Variants in ATAD2B observed in about 807,000 individuals in gnomAD.
The protein encoded by ATAD2B is ATPase family AAA domain containing 2B, also known as ATPase family AAA domain-containing protein 2B.
A neutral mutation model predicts 167.6 loss-of-function variants in ATAD2B; 40 were observed. That is an observed-to-expected ratio of 0.24 (90% CI 0.19 to 0.31). The LOEUF (loss-of-function observed/expected upper bound fraction) is 0.31. Among genes scored for constraint, ATAD2B ranks in the 10% least tolerant of loss-of-function variants. The pLI is 1.00. For missense variants in ATAD2B, 1,242 were observed against 1,757.2 expected (o/e 0.71, Z 5.24); for synonymous variants, 579 against 596.5 (o/e 0.97, Z 0.43).
chr2:23,824,649 A>G (rs1687968680), intron 15 of ATAD2B, among the ~76,000 whole-genome samples: 1 of 152,204 alleles, frequency 6.6e-6, no homozygotes, highest in South Asian at 2.1e-4. Context: ...TTATACCAAC[A>G]TAAGGTATTA....
intron 20 of ATAD2B, among the ~76,000 whole-genome samples, chr2:23,787,640 C>G (rs956691286): frequency 6.6e-6 from 1 of 151,468 alleles, no homozygotes; most frequent in Non-Finnish European, 1.5e-5. Context: ...GAAAAACAAA[C>G]AAAGTAAAAA....
intron 8 of ATAD2B, among the ~76,000 whole-genome samples, chr2:23,871,614 AAC>A (rs1327588523): frequency 6.6e-6 from 1 of 152,210 alleles, no homozygotes; most frequent in Non-Finnish European, 1.5e-5. Flanking sequence ...TAGAACACTG[AAC>A]ACACTAATGA....
intron 12 of ATAD2B, among the ~76,000 whole-genome samples, chr2:23,860,787 A>C (rs1553430687): frequency 2.0e-5 from 3 of 152,162 alleles, no homozygotes; most frequent in Non-Finnish European, 4.4e-5. Flanking sequence ...CCTGGCCAAC[A>C]TGGTGAAACC....
chr2:23,688,286 C>T, the ATAD2B span, among the ~76,000 whole-genome samples: 198 of 152,312 alleles, frequency 1.3e-3, no homozygotes, highest in African/African-American at 4.3e-3. Flanking sequence ...CATTCATGGG[C>T]GGAGTCCTCT....
intron 7 of ATAD2B, among the ~76,000 whole-genome samples, chr2:23,879,413 G>T (rs1558717450): frequency 6.6e-6 from 1 of 152,040 alleles, no homozygotes; most frequent in Non-Finnish European, 1.5e-5. Context: ...TTCAAGACCA[G>T]CCTCGGCAAC....
At chr2:23,703,915 G>A in the ATAD2B span, 14 of 1,499,486 alleles carry the variant, frequency 9.3e-6, no homozygotes, top group South Asian at 1.7e-4. Flanking sequence ...GTGGGAGGAG[G>A]AGGGGTGTGA....
In ATAD2B at chr2:23,926,601, T is replaced by C. The variant is rs1014338616; in HGVS notation, c.170A>G (p.Lys57Arg). 1.9e-6 allele frequency: 3 copies of C among 1,564,202 alleles called. No individual in the cohort carries two copies. Among genetic ancestry groups the C allele is most frequent in the Non-Finnish European group, 2.6e-6 (3 of 1,155,860 alleles). ...KTRAASCPAA[K>R]AGGSGGAGVT... The stretch of plus-strand genomic sequence containing the variant: ...GCCGGCGCCACCGCTTCCCCCGGCT[T>C]TGGCGGCGGGGCAGCTGGCGGCGCG... The change falls in exon 1 of 28, where the codon AAA (lysine) becomes AGA (arginine). Residue 57 changes from lysine to arginine, a missense_variant. Transcript: ENST00000238789.
chr2:23,810,643 AT>A (rs986813300), intron 17 of ATAD2B, 141 bp from the exon 18 acceptor site: 2 of 638,122 alleles, frequency 3.1e-6, no homozygotes, highest in Non-Finnish European at 5.3e-6. Context: ...ATAGTGACTT[AT>A]TTTTTTATTA....
rs78587418 is a variant in ATAD2B, at chr2:23,843,814, G to A, written c.1569-9736C>T. Among the ~76,000 whole-genome samples the A allele has an allele frequency of 1.3e-3, 198 of 152,236 alleles. 4 individuals carry two copies. The East Asian group carries it at 0.033, about 25-fold the overall frequency. On this transcript the variant is annotated intron_variant, in intron 13 of 27. Transcript: ENST00000238789. ...GGAATAGTGCCAGTTCCCACCCACC[G>A]AACTGGTAAACCTCATGATTCAAAG...
chr2:23,892,153 A>G (rs924596454), intron 2 of ATAD2B, among the ~76,000 whole-genome samples: 1 of 152,062 alleles, frequency 6.6e-6, no homozygotes, highest in Non-Finnish European at 1.5e-5. Flanking sequence ...ACATTTCAGT[A>G]CACAATAAAT....
chr2:23,761,693 CA>C (rs1226072743), intron 24 of ATAD2B, among the ~76,000 whole-genome samples: 2 of 152,082 alleles, frequency 1.3e-5, no homozygotes, highest in Non-Finnish European at 2.9e-5. Context: ...TGAATGAGTA[CA>C]AAAAAACTCC....
Position 23,751,799 on chromosome 2 carries a change from C to T in ATAD2B, c.*247G>A. On this transcript the variant is annotated 3_prime_UTR_variant, in exon 28 of 28. Coordinates refer to ENST00000238789, the MANE Select transcript of ATAD2B (RefSeq NM_017552.4). The stretch of plus-strand genomic sequence containing the variant: ...TTTCTGTAGCACCAAAATCTCCAAG[C>T]TGTGGGGTTGTATTTTTTATTTGTG... 1 of 497,534 alleles carries T rather than the reference C, an allele frequency of 2.0e-6. No homozygotes were observed. The highest frequency in any genetic ancestry group is 2.7e-5 in the South Asian group (1 of 37,600). 30.8% of individuals were successfully genotyped at this position (497,534 alleles called of 1,614,324 possible).
chr2:23,836,563 A>G (rs193151351), intron 13 of ATAD2B, among the ~76,000 whole-genome samples: 7 of 152,332 alleles, frequency 4.6e-5, no homozygotes, highest in Non-Finnish European at 7.4e-5. Flanking sequence ...AGATATGCAG[A>G]CAAGTGGAGG....
At chr2:23,860,971 CAAAT>C (rs757471194) in intron 12 of ATAD2B, among the ~76,000 whole-genome samples, 2 of 151,772 alleles carry the variant, frequency 1.3e-5, no homozygotes, top group Non-Finnish European at 2.9e-5. Context: ...AACTCCATAT[CAAAT>C]AAATAAATAA....
chr2:23,913,823 C>A (rs981023236), intron 1 of ATAD2B, among the ~76,000 whole-genome samples: 9 of 151,986 alleles, frequency 5.9e-5, no homozygotes, highest in Non-Finnish European at 1.2e-4. Flanking sequence ...TAGTATTGGC[C>A]TGGTAGAACG....
chr2:23,892,866 G>A (rs944252083), intron 2 of ATAD2B, among the ~76,000 whole-genome samples: 4 of 152,118 alleles, frequency 2.6e-5, no homozygotes, highest in Middle Eastern at 3.2e-3. Context: ...ATGACTAGTA[G>A]CTAAATAAAT....
At chr2:23,905,688 C>T (rs893302033) in intron 1 of ATAD2B, among the ~76,000 whole-genome samples, 1 of 152,154 alleles carries the variant, frequency 6.6e-6, no homozygotes, top group Non-Finnish European at 1.5e-5. Context: ...ATACCTACTG[C>T]CTCACAGTAG....
At chr2:23,703,837 C>T in the ATAD2B span, 5 of 1,537,284 alleles carry the variant, frequency 3.3e-6, no homozygotes, top group African/African-American at 1.4e-5. Flanking sequence ...CGGGCCCAAA[C>T]ATGAACCACT....
chr2:23,829,534 T>C (rs902318339), intron 14 of ATAD2B, among the ~76,000 whole-genome samples: 1 of 152,136 alleles, frequency 6.6e-6, no homozygotes, highest in Non-Finnish European at 1.5e-5. Context: ...GAGGATCGTT[T>C]ATGTCCAGGA....
Sources: gnomAD v4.1 joint callset for allele counts (sites outside exome capture counted in the v4.1 genomes callset) on GRCh38, gnomAD v4.1.1 for gene constraint, MANE v1.5 for transcripts, NCBI Gene and HGNC (gene_info 2026-07-23, HGNC 2026-07-21) for gene names.